The following SNTG1 variants were observed in gnomAD, a reference collection of about 807,000 sequenced individuals.
SNTG1 encodes syntrophin gamma 1.
SNTG1 carries 39 observed loss-of-function variants against 74.7 expected under a neutral mutation model. The observed-to-expected ratio is 0.52, with a 90% CI of 0.40 to 0.68. The LOEUF is 0.68. SNTG1 is among the 30% of genes least tolerant of loss of function. The pLI is 0.00. For synonymous variants in SNTG1, 254 were observed against 217.1 expected (o/e 1.17, Z -1.49); for missense variants, 685 against 609.5 (o/e 1.12, Z -1.30).
chr8:50,131,643 A>C (rs1479659158), intron 1 of SNTG1, among the ~76,000 whole-genome samples: 1 of 152,150 alleles, frequency 6.6e-6, no homozygotes, highest in African/African-American at 2.4e-5. Flanking sequence ...CTCAATGAAC[A>C]TGGGAGTATG....
chr8:50,651,351 C>CAT (rs1001683664), intron 13 of SNTG1, among the ~76,000 whole-genome samples: 12 of 151,942 alleles, frequency 7.9e-5, no homozygotes, highest in Non-Finnish European at 1.3e-4. Context: ...TAAAAAAATG[C>CAT]ATATATATAA....
intron 17 of SNTG1, among the ~76,000 whole-genome samples, chr8:50,743,037 C>G (rs1296868795): frequency 1.3e-5 from 2 of 151,128 alleles, no homozygotes; most frequent in Non-Finnish European, 1.5e-5. Context: ...GAGGCCTGGA[C>G]CACATAGCTT....
At chr8:50,305,682 C>T (rs1293148731) in intron 2 of SNTG1, among the ~76,000 whole-genome samples, 3 of 151,038 alleles carry the variant, frequency 2.0e-5, no homozygotes, top group Non-Finnish European at 3.0e-5. Context: ...TTTAATAATA[C>T]CTTTTTATTT....
intron 2 of SNTG1, among the ~76,000 whole-genome samples, chr8:50,175,662 C>T (rs181697261): frequency 2.0e-5 from 3 of 152,212 alleles, no homozygotes; most frequent in African/African-American, 7.2e-5. Flanking sequence ...CTGACTAAAG[C>T]CCAATAAGAG....
chr8:50,218,726 C>A (rs997519353), intron 2 of SNTG1, among the ~76,000 whole-genome samples: 3 of 151,992 alleles, frequency 2.0e-5, no homozygotes, highest in Admixed American at 6.6e-5. Flanking sequence ...ACATCTAATT[C>A]CAGCAATGTA....
At chr8:50,244,801 C>G (rs1175999633) in intron 2 of SNTG1, among the ~76,000 whole-genome samples, 1 of 152,076 alleles carries the variant, frequency 6.6e-6, no homozygotes, top group Non-Finnish European at 1.5e-5. Flanking sequence ...GAAAAACTTG[C>G]AGTCTCAAAT....
chr8:50,762,177 A>G (rs2095600822), intron 18 of SNTG1, among the ~76,000 whole-genome samples: 1 of 151,984 alleles, frequency 6.6e-6, no homozygotes, highest in Non-Finnish European at 1.5e-5. Context: ...TATAAAACCA[A>G]TCTCCAGTAA....
At chr8:49,945,764 C>T (rs1418636399) in intron 1 of SNTG1, among the ~76,000 whole-genome samples, 1 of 152,170 alleles carries the variant, frequency 6.6e-6, no homozygotes. Context: ...TGTCAGTTAA[C>T]TCAAGGTCTA....
At chr8:50,462,979 G>A (rs182164386) in intron 8 of SNTG1, among the ~76,000 whole-genome samples, 2 of 152,040 alleles carry the variant, frequency 1.3e-5, no homozygotes, top group Admixed American at 6.6e-5. Flanking sequence ...ACCACACCCA[G>A]CTAATTTTTG....
At chr8:50,413,513 T>C (rs2092976210) in intron 4 of SNTG1, among the ~76,000 whole-genome samples, 1 of 152,208 alleles carries the variant, frequency 6.6e-6, no homozygotes. Context: ...TCCATGCCCA[T>C]CCACGCCCCA....
At chr8:50,113,107 T>C (rs1563613789) in intron 1 of SNTG1, among the ~76,000 whole-genome samples, 2 of 152,166 alleles carry the variant, frequency 1.3e-5, no homozygotes, top group Admixed American at 1.3e-4. Flanking sequence ...CATATGAATT[T>C]TAAAGTAGTT....
intron 2 of SNTG1, among the ~76,000 whole-genome samples, chr8:50,317,515 T>C (rs2090357909): frequency 6.6e-6 from 1 of 152,118 alleles, no homozygotes; most frequent in Non-Finnish European, 1.5e-5. Context: ...CTGGCAGCAA[T>C]GTGAAGAATA....
intron 2 of SNTG1, among the ~76,000 whole-genome samples, chr8:50,299,872 A>C (rs2089567589): frequency 6.6e-6 from 1 of 152,078 alleles, no homozygotes; most frequent in Non-Finnish European, 1.5e-5. Context: ...CTGTTCTTTA[A>C]CCCATTTACT....
chr8:50,398,127 C>G (rs1419166665), intron 3 of SNTG1, among the ~76,000 whole-genome samples: 1 of 152,202 alleles, frequency 6.6e-6, no homozygotes, highest in African/African-American at 2.4e-5. Flanking sequence ...TCCCAACTTC[C>G]CTGCTCAGTG....
At chr8:50,298,582 G>A (rs1182925798) in intron 2 of SNTG1, among the ~76,000 whole-genome samples, 1 of 152,034 alleles carries the variant, frequency 6.6e-6, no homozygotes, top group African/African-American at 2.4e-5. Flanking sequence ...AGTAATAAGT[G>A]GTCTGTCTCT....
At chr8:50,213,269 G>A (rs1481654162) in intron 2 of SNTG1, among the ~76,000 whole-genome samples, 1 of 152,034 alleles carries the variant, frequency 6.6e-6, no homozygotes, top group African/African-American at 2.4e-5. Context: ...TTCTGTATAG[G>A]AATTTCTTTC....
At chr8:50,334,284 C>T (rs1335174597) in intron 2 of SNTG1, among the ~76,000 whole-genome samples, 2 of 152,162 alleles carry the variant, frequency 1.3e-5, no homozygotes, top group African/African-American at 4.8e-5. Flanking sequence ...AGCCAAGAAT[C>T]TATGTATACC....
At chr8:50,029,676 T>A (rs1033760089) in intron 1 of SNTG1, among the ~76,000 whole-genome samples, 19 of 152,154 alleles carry the variant, frequency 1.2e-4, no homozygotes, top group African/African-American at 4.3e-4. Flanking sequence ...AATGACATGA[T>A]TCCATTCTTT....
At position 50,036,300 on chromosome 8, in the gene SNTG1, A is replaced by G. The variant is rs183454437; in HGVS notation, c.-103+124069A>G. Among the ~76,000 whole-genome samples the G allele has an allele frequency of 3.9e-5, 6 of 152,292 alleles. No individual in the cohort carries two copies. In the East Asian group the frequency reaches 9.7e-4, roughly 25 times the overall value. ...TATGACGTCTCTATGCAGCTCCTGC[A>G]TAGTCTTTCTGTTCTTTAATGTACT... On this transcript the variant is annotated intron_variant, in intron 1 of 18. Transcript: ENST00000642720.
Sources: allele counts gnomAD v4.1 joint callset (sites outside exome capture counted in the v4.1 genomes callset), GRCh38; gene constraint gnomAD v4.1.1; transcripts MANE v1.5; gene names NCBI Gene and HGNC (gene_info 2026-07-23, HGNC 2026-07-21).